CUL1: variants seen among roughly 807,000 people sequenced by gnomAD.
The protein encoded by CUL1 is cullin 1, also known as cullin-1.
CUL1 carries 24 observed loss-of-function variants against 118.0 expected under a neutral mutation model. That is an observed-to-expected ratio of 0.20 (90% CI 0.15 to 0.29). The LOEUF (loss-of-function observed/expected upper bound fraction) is 0.29. CUL1 is among the 10% of genes least tolerant of loss of function. The pLI is 1.00. For synonymous variants in CUL1, 332 were observed against 340.4 expected, an observed-to-expected ratio of 0.98 and a Z score of 0.27; for missense variants, 361 against 933.8, an observed-to-expected ratio of 0.39 and a Z score of 7.99.
chr7:148,782,339 C>T (rs1342615712), intron 9 of CUL1, among the ~76,000 whole-genome samples: 1 of 152,164 alleles, frequency 6.6e-6, no homozygotes, highest in Non-Finnish European at 1.5e-5. Context: ...TTAAGACCAT[C>T]CAGGCAAAGT....
At chr7:148,786,332 G>C (rs934559807) in intron 11 of CUL1, among the ~76,000 whole-genome samples, 25 of 152,152 alleles carry the variant, frequency 1.6e-4, no homozygotes, top group African/African-American at 5.3e-4. Context: ...TTTCACCTTG[G>C]ATATTCTAAA....
intron 1 of CUL1, among the ~76,000 whole-genome samples, chr7:148,709,532 A>G (rs1270740910): frequency 1.3e-5 from 2 of 152,212 alleles, no homozygotes; most frequent in Non-Finnish European, 2.9e-5. Context: ...AATATTAACT[A>G]TGTTTTCAAC....
intron 7 of CUL1, among the ~76,000 whole-genome samples, chr7:148,763,170 TA>T (rs1362502369): frequency 6.6e-6 from 1 of 151,356 alleles, no homozygotes; most frequent in Non-Finnish European, 1.5e-5. Context: ...AAAATAAAAA[TA>T]AAACCAGGCC....
At chr7:148,735,400 C>T (rs1053377892) in intron 2 of CUL1, among the ~76,000 whole-genome samples, 1 of 152,262 alleles carries the variant, frequency 6.6e-6, no homozygotes, top group Non-Finnish European at 1.5e-5. Flanking sequence ...GGTCCACACT[C>T]TGACCATCGC....
chr7:148,789,678 T>G, intron 14 of CUL1, 72 bp from the exon 15 acceptor site: 1 of 1,193,562 alleles, frequency 8.4e-7, no homozygotes, highest in South Asian at 1.3e-5. Flanking sequence ...TCTGAAATGA[T>G]TGAATTTTTC....
In CUL1 at chr7:148,771,554, G is replaced by T. The variant is rs117422522; in HGVS notation, c.1083+3805G>T. 1.1e-3 allele frequency among the ~76,000 whole-genome samples: 165 copies of T among 152,300 alleles called. No homozygotes were observed. In the East Asian group the frequency reaches 0.021, roughly 19 times the overall value. On this transcript the variant is annotated intron_variant, in intron 9 of 21. Transcript: ENST00000325222. Reference sequence around the variant, plus strand: ...GAGTGGGGAGGGGACTGTCCGTCAGGATTCCACTCTGTTTGGAAGCGTTCT... The same window carrying T: ...GAGTGGGGAGGGGACTGTCCGTCAGTATTCCACTCTGTTTGGAAGCGTTCT...
intron 2 of CUL1, among the ~76,000 whole-genome samples, chr7:148,734,794 T>G (rs765317061): frequency 3.9e-5 from 6 of 152,184 alleles, no homozygotes; most frequent in Non-Finnish European, 8.8e-5. Context: ...GGTCACCTGT[T>G]GGAGGTTTCT....
chr7:148,775,993 A>C (rs1009653812), intron 9 of CUL1, among the ~76,000 whole-genome samples: 1 of 152,178 alleles, frequency 6.6e-6, no homozygotes, highest in Non-Finnish European at 1.5e-5. Flanking sequence ...TTAAAAAATG[A>C]GTCATTTATT....
intron 9 of CUL1, among the ~76,000 whole-genome samples, chr7:148,775,672 G>C (rs1800370354): frequency 6.6e-6 from 1 of 152,148 alleles, no homozygotes; most frequent in African/African-American, 2.4e-5. Context: ...GATTCATATA[G>C]CACGTAGCTA....
At chr7:148,786,219 A>G (rs771675910) in intron 11 of CUL1, among the ~76,000 whole-genome samples, 8 of 152,242 alleles carry the variant, frequency 5.3e-5, no homozygotes, top group Non-Finnish European at 8.8e-5. Flanking sequence ...CTAGAAAGCA[A>G]TTGGTAAAGT....
intron 1 of CUL1, among the ~76,000 whole-genome samples, chr7:148,717,571 G>A (rs1292015496): frequency 1.3e-5 from 2 of 151,860 alleles, no homozygotes; most frequent in African/African-American, 2.4e-5. Flanking sequence ...CGTTATCTCG[G>A]TGTCACTTGT....
At position 148,783,507 on chromosome 7, in the gene CUL1, T is replaced by A. The variant is rs556446117; in HGVS notation, c.1084-276T>A. The A allele has an allele frequency of 2.3e-5, 30 of 1,295,830 alleles. No homozygotes were observed. The East Asian group carries it at 1.1e-3, about 45-fold the overall frequency. The allele number at this position is 1,295,830 out of a possible 1,614,324, so 80.3% of individuals were successfully genotyped here. A position where few individuals can be genotyped will look rare whatever the true frequency, so the allele number is the denominator to read the frequency against. On this transcript the variant is annotated intron_variant, in intron 9 of 21. Transcript: ENST00000325222. ...CACTTGGAAAATGCTGTTTTCATGA[T>A]CTCTTTGAGTTTTCACTGTTTTTAA... is the stretch of plus-strand genomic sequence containing the variant.
intron 4 of CUL1, 45 bp downstream of exon 4, chr7:148,757,195 G>T (rs993340032): frequency 6.1e-6 from 8 of 1,308,874 alleles, no homozygotes; most frequent in African/African-American, 1.5e-5. Flanking sequence ...TTTTGTTTTT[G>T]TTTTTTTTAA....
intron 1 of CUL1, among the ~76,000 whole-genome samples, chr7:148,728,814 G>A (rs1266119456): frequency 6.6e-6 from 1 of 152,182 alleles, no homozygotes; most frequent in Non-Finnish European, 1.5e-5. Context: ...GTCCCTAAAT[G>A]TGCCTTAGTT....
In CUL1 at chr7:148,788,540, A is replaced by G. The variant is rs1277844178; in HGVS notation, c.1480-17A>G. On this transcript the variant is annotated splice_polypyrimidine_tract_variant and intron_variant, in intron 13 of 21. Transcript: ENST00000325222. ...TTTTGTACAAATTAATAAGACAGTCATCTGGGTTCTTCTCAGCAAGCTTGC... is the reference window on the plus strand; with the variant it reads ...TTTTGTACAAATTAATAAGACAGTCGTCTGGGTTCTTCTCAGCAAGCTTGC... 1.3e-6 allele frequency: 2 copies of G among 1,539,954 alleles called. No individual in the cohort carries two copies. The highest frequency in any genetic ancestry group is 2.2e-5 in the East Asian group (1 of 44,510).
At chr7:148,726,993 C>G (rs1435821086) in intron 1 of CUL1, among the ~76,000 whole-genome samples, 1 of 152,076 alleles carries the variant, frequency 6.6e-6, no homozygotes, top group Non-Finnish European at 1.5e-5. Context: ...GCCTGGGCAA[C>G]AGAGTGATAC....
chr7:148,709,568 AAG>A (rs369760103), intron 1 of CUL1, among the ~76,000 whole-genome samples: 23 of 152,232 alleles, frequency 1.5e-4, no homozygotes, highest in African/African-American at 4.6e-4. Flanking sequence ...ATGTTTTTCA[AAG>A]TAAGCTACTT....
At chr7:148,777,592 C>G (rs1009028408) in intron 9 of CUL1, among the ~76,000 whole-genome samples, 1 of 152,170 alleles carries the variant, frequency 6.6e-6, no homozygotes, top group African/African-American at 2.4e-5. Context: ...TCCAAATTAA[C>G]TCTCATGTAG....
At chr7:148,744,409 TG>T (rs1460965651) in intron 2 of CUL1, among the ~76,000 whole-genome samples, 2 of 110,424 alleles carry the variant, frequency 1.8e-5, no homozygotes, top group African/African-American at 7.3e-5. Flanking sequence ...TGTGTGTGTG[TG>T]TGTGTGTGTG....
Sources: gnomAD v4.1 joint callset for allele counts (sites outside exome capture counted in the v4.1 genomes callset) on GRCh38, gnomAD v4.1.1 for gene constraint, MANE v1.5 for transcripts, NCBI Gene and HGNC (gene_info 2026-07-23, HGNC 2026-07-21) for gene names.